Variants in FAM135B observed in about 807,000 individuals in gnomAD.
FAM135B encodes the protein protein FAM135B.
A neutral mutation model predicts 127.7 loss-of-function variants in FAM135B; 43 were observed. That is an observed-to-expected ratio of 0.34 (90% CI 0.26 to 0.43). The LOEUF is 0.43. FAM135B is among the 20% of genes least tolerant of loss of function. The pLI is 1.00. For missense variants in FAM135B, 1,558 were observed against 1,725.6 expected, an observed-to-expected ratio of 0.90 and a Z score of 1.72; for synonymous variants, 670 against 665.1, an observed-to-expected ratio of 1.01 and a Z score of -0.11.
At chr8:138,421,767 T>C (rs1042123933) in intron 1 of FAM135B, among the ~76,000 whole-genome samples, 1 of 152,132 alleles carries the variant, frequency 6.6e-6, no homozygotes, top group African/African-American at 2.4e-5. Flanking sequence ...ATCATTTTCA[T>C]AGAATTAGAA....
chr8:138,423,528 G>A (rs1834653771), intron 1 of FAM135B, among the ~76,000 whole-genome samples: 1 of 152,126 alleles, frequency 6.6e-6, no homozygotes, highest in Non-Finnish European at 1.5e-5. Flanking sequence ...TTTTATTAGT[G>A]ATTTTCAAAG....
At chr8:138,246,196 A>T (rs966259686) in intron 6 of FAM135B, among the ~76,000 whole-genome samples, 2 of 152,220 alleles carry the variant, frequency 1.3e-5, no homozygotes, top group African/African-American at 4.8e-5. Context: ...TTTTCTGGAA[A>T]GAAACTCAAG....
chr8:138,370,672 G>A (rs961071878), intron 1 of FAM135B, among the ~76,000 whole-genome samples: 21 of 152,136 alleles, frequency 1.4e-4, no homozygotes, highest in Admixed American at 1.2e-3. Context: ...GGATGGTCTC[G>A]ATCTCCTGAC....
At chr8:138,230,954 C>A (rs1466537384) in intron 7 of FAM135B, among the ~76,000 whole-genome samples, 2 of 152,078 alleles carry the variant, frequency 1.3e-5, no homozygotes, top group African/African-American at 4.8e-5. Flanking sequence ...TCTTCATGTG[C>A]AGGTTACATG....
intron 7 of FAM135B, among the ~76,000 whole-genome samples, chr8:138,213,563 A>T (rs1172556358): frequency 1.3e-5 from 2 of 149,284 alleles, no homozygotes; most frequent in African/African-American, 2.5e-5. Flanking sequence ...TGGCTCTCAG[A>T]TCTGGCAGAA....
At chr8:138,261,154 A>C (rs1260802920) in intron 4 of FAM135B, among the ~76,000 whole-genome samples, 1 of 151,962 alleles carries the variant, frequency 6.6e-6, no homozygotes, top group Non-Finnish European at 1.5e-5. Flanking sequence ...CAAAAAAAAA[A>C]AAGAAAAAGA....
At chr8:138,472,433 T>C (rs888044804) in intron 1 of FAM135B, among the ~76,000 whole-genome samples, 2 of 151,916 alleles carry the variant, frequency 1.3e-5, no homozygotes, top group African/African-American at 4.8e-5. Context: ...TATGCAGGAG[T>C]ACAGGGAGAT....
intron 2 of FAM135B, among the ~76,000 whole-genome samples, chr8:138,353,375 C>A (rs942833155): frequency 6.6e-6 from 1 of 152,142 alleles, no homozygotes; most frequent in African/African-American, 2.4e-5. Flanking sequence ...ATATCAGGAT[C>A]CTTTTTGGTC....
rs1023778353 is a variant in FAM135B at position 138,148,856 on chromosome 8, G to C, written c.3282-170C>G. 16 of 474,440 alleles carry C rather than the reference G, an allele frequency of 3.4e-5. No individual in the cohort carries two copies. The South Asian group carries it at 3.6e-4, about 11-fold the overall frequency. The allele number at this position is 474,440 out of a possible 1,614,324, so 29.4% of individuals were successfully genotyped here. A position where few individuals can be genotyped will look rare whatever the true frequency, so the allele number is the denominator to read the frequency against. ...ATGCTAGTGAGTGAAGCTTTGTTCT[G>C]AACAAGGAGGCAGGAAAGCACTCTA... On this transcript the variant is annotated intron_variant, in intron 13 of 19. Coordinates refer to ENST00000395297, the MANE Select transcript of FAM135B (RefSeq NM_015912.4).
intron 7 of FAM135B, among the ~76,000 whole-genome samples, chr8:138,220,900 A>G (rs1303826877): frequency 6.6e-6 from 1 of 152,224 alleles, no homozygotes; most frequent in Non-Finnish European, 1.5e-5. Context: ...AAACAAATGT[A>G]CTCACCCACG....
At position 138,367,988 on chromosome 8, in the gene FAM135B, T is replaced by A. The variant is rs1025054109; in HGVS notation, c.-5A>T. The A allele has an allele frequency of 4.3e-6, 7 of 1,612,782 alleles. No individual in the cohort carries two copies. The highest frequency in any genetic ancestry group is 5.9e-6 in the Non-Finnish European group (7 of 1,179,026). ...CGTTCCTTGTATTTCAGACATGATC[T>A]TTTTGGCTCATTACCTGAAAAACAA... On this transcript the variant is annotated 5_prime_UTR_variant, in exon 2 of 20. The change creates a new upstream start codon in the 5' untranslated region. Coordinates refer to ENST00000395297, the MANE Select transcript of FAM135B (RefSeq NM_015912.4).
intron 1 of FAM135B, among the ~76,000 whole-genome samples, 187 bp downstream of exon 1, chr8:138,496,484 G>A (rs186074636): frequency 5.9e-4 from 90 of 152,294 alleles, no homozygotes; most frequent in African/African-American, 2.1e-3. Flanking sequence ...CTCAAGACCT[G>A]TCCAGATGTG....
At chr8:138,328,198 C>A (rs950330313) in intron 2 of FAM135B, among the ~76,000 whole-genome samples, 2 of 152,120 alleles carry the variant, frequency 1.3e-5, no homozygotes, top group Non-Finnish European at 2.9e-5. Flanking sequence ...GTGCATGTTG[C>A]ATATCTCTAC....
chr8:138,160,823 A>T (rs11166793), intron 12 of FAM135B, among the ~76,000 whole-genome samples: 103,791 of 152,042 alleles, frequency 0.68, 35,480 homozygotes, highest in East Asian at 0.76. Flanking sequence ...CCTGTCATCC[A>T]TTAAGTTTTA....
intron 1 of FAM135B, among the ~76,000 whole-genome samples, chr8:138,462,326 G>A (rs1837173283): frequency 2.0e-5 from 3 of 152,106 alleles, no homozygotes; most frequent in African/African-American, 7.2e-5. Flanking sequence ...TCGTAACTGT[G>A]CAGAATACTT....
intron 3 of FAM135B, among the ~76,000 whole-genome samples, chr8:138,309,707 G>T (rs769952355): frequency 6.6e-6 from 1 of 152,274 alleles, no homozygotes; most frequent in Admixed American, 6.5e-5. Flanking sequence ...ATTATATGAA[G>T]TGTAGCTATG....
At chr8:138,215,580 A>G (rs1211315815) in intron 7 of FAM135B, among the ~76,000 whole-genome samples, 1 of 152,234 alleles carries the variant, frequency 6.6e-6, no homozygotes, top group African/African-American at 2.4e-5. Context: ...TCAGGCTTCC[A>G]TTCTATGACA....
At chr8:138,333,541 G>A in intron 2 of FAM135B, among the ~76,000 whole-genome samples, 1 of 152,086 alleles carries the variant, frequency 6.6e-6, no homozygotes, top group East Asian at 1.9e-4. Flanking sequence ...AGGGCCGGGG[G>A]CTCCCCACTG....
chr8:138,161,825 C>T (rs1041566014), intron 12 of FAM135B, among the ~76,000 whole-genome samples: 1 of 152,366 alleles, frequency 6.6e-6, no homozygotes, highest in African/African-American at 2.4e-5. Context: ...CTCCCTTCTA[C>T]TTACATGCAG....
Sources: gnomAD v4.1 joint callset for allele counts (sites outside exome capture counted in the v4.1 genomes callset) on GRCh38, gnomAD v4.1.1 for gene constraint, MANE v1.5 for transcripts, NCBI Gene and HGNC (gene_info 2026-07-23, HGNC 2026-07-21) for gene names.